TARS1: variants seen among roughly 807,000 people sequenced by gnomAD.
TARS1 encodes the protein threonine--tRNA ligase 1, cytoplasmic.
Under a neutral mutation model 97.7 loss-of-function variants are expected in TARS1, and 57 were observed. The ratio of observed to expected loss-of-function variants is 0.58; its 90% CI spans 0.47 to 0.73. The LOEUF (loss-of-function observed/expected upper bound fraction) is 0.73. Among genes scored for constraint, TARS1 ranks in the 30% least tolerant of loss-of-function variants. The probability of loss-of-function intolerance (pLI) is 0.00; values close to 1 mark genes in which losing one functional copy is unlikely to be tolerated. For missense variants in TARS1, 806 were observed against 888.3 expected, an observed-to-expected ratio of 0.91 and a Z score of 1.18; for synonymous variants, 312 against 293.7, an observed-to-expected ratio of 1.06 and a Z score of -0.64.
chr5:33,461,162 A>T lies in TARS1; in HGVS notation c.1418A>T (p.Glu473Val). 1 of 1,604,310 alleles carries T rather than the reference A, an allele frequency of 6.2e-7. No homozygotes were observed. Among genetic ancestry groups the T allele is most frequent in the Non-Finnish European group, 8.5e-7 (1 of 1,175,414 alleles). Residue 473 changes from glutamate to valine, a missense_variant, in exon 13 of 19, where the codon GAA becomes GTA. Glu to Val is a moderately radical substitution (Grantham distance 121). This residue lies in a region of TARS1 where 446 missense variants were observed against 511.0 expected (regional missense o/e 0.87). Transcript: ENST00000265112. ...AHIFCAMEQI[E>V]DEIKGCLDFL... ...TTTTTGTTTTTTAATTTGAAGATTGAAGATGAAATAAAAGGTTGTTTGGAT... is the reference window on the plus strand; with the variant it reads ...TTTTTGTTTTTTAATTTGAAGATTGTAGATGAAATAAAAGGTTGTTTGGAT...
intron 11 of TARS1, 169 bp downstream of exon 11, chr5:33,460,030 T>C: frequency 2.6e-6 from 1 of 379,222 alleles, no homozygotes; most frequent in Admixed American, 5.0e-5. Context: ...GATCCCCACT[T>C]TTTTTTTTTT....
rs1442262955 is a variant in TARS1 at position 33,455,581 on chromosome 5, C to T, written c.576-6C>T. On this transcript the variant is annotated splice_region_variant and splice_polypyrimidine_tract_variant and intron_variant, in intron 5 of 18. Transcript: ENST00000265112. ...AATGAAAAGATTATACTTTCTTCTC[C>T]TTCAGGGGTGTGTCTAGCAATGATT... The T allele has an allele frequency of 1.9e-6, 3 of 1,574,016 alleles. No individual in the cohort carries two copies. Among genetic ancestry groups the T allele is most frequent in the Non-Finnish European group, 2.6e-6 (3 of 1,150,540 alleles).
intron 10 of TARS1, among the ~76,000 whole-genome samples, chr5:33,459,427 C>T (rs1419225385): frequency 6.6e-6 from 1 of 152,188 alleles, no homozygotes; most frequent in African/African-American, 2.4e-5. Context: ...ATAACTACCA[C>T]AATGCACTCA....
intron 1 of TARS1, among the ~76,000 whole-genome samples, chr5:33,442,200 A>G (rs1315541794): frequency 6.6e-6 from 1 of 152,054 alleles, no homozygotes; most frequent in Non-Finnish European, 1.5e-5. Context: ...TGTCCACTCG[A>G]GATTGAATGG....
intron 2 of TARS1, among the ~76,000 whole-genome samples, chr5:33,445,823 C>T (rs999613537): frequency 6.6e-6 from 1 of 152,150 alleles, no homozygotes. Context: ...TTGACCCCCT[C>T]CTTGCCCTTT....
intron 8 of TARS1, among the ~76,000 whole-genome samples, chr5:33,456,862 G>T (rs1035668649): frequency 6.6e-6 from 1 of 152,256 alleles, no homozygotes; most frequent in African/African-American, 2.4e-5. Flanking sequence ...TGAGGTTGCA[G>T]TGAATGGAGA....
chr5:33,454,882 C>T, intron 4 of TARS1, 63 bp from the exon 5 acceptor site: 1 of 1,572,726 alleles, frequency 6.4e-7, no homozygotes, highest in Non-Finnish European at 8.6e-7. Flanking sequence ...TTTCAGACAA[C>T]CACATTAATT....
chr5:33,463,515 C>G (rs968420067), intron 16 of TARS1, among the ~76,000 whole-genome samples: 2 of 152,188 alleles, frequency 1.3e-5, no homozygotes, highest in African/African-American at 4.8e-5. Context: ...ATCTACTTAG[C>G]AAGACAAATT....
intron 2 of TARS1, among the ~76,000 whole-genome samples, chr5:33,447,000 G>A (rs1579576253): frequency 6.6e-6 from 1 of 152,262 alleles, no homozygotes; most frequent in South Asian, 2.1e-4. Flanking sequence ...AAAGATATTA[G>A]GGCCTGATAC....
rs756686852 is a variant in TARS1, at chr5:33,441,131, C to A, written c.45C>A (p.Gly15=). 6.2e-7 allele frequency: 1 copy of A among 1,614,010 alleles called. No individual in the cohort carries two copies. Among genetic ancestry groups the A allele is most frequent in the African/African-American group, 1.3e-5 (1 of 74,906 alleles). Residue 15 remains glycine, a synonymous_variant, in exon 1 of 19, where the codon GGC becomes GGA. Transcript: ENST00000265112. ...GCAGTCCTTCAGGGAAGATGGGAGG[C>A]GAGGAGAAGCCGGTGAGCAAACTTG... ...KASSPSGKMG[G]EEKPIGAGEE... is the part of the protein sequence containing the mutation.
At chr5:33,450,097 T>G (rs1219854070) in intron 3 of TARS1, among the ~76,000 whole-genome samples, 1 of 152,232 alleles carries the variant, frequency 6.6e-6, no homozygotes, top group African/African-American at 2.4e-5. Flanking sequence ...ACACCTAACT[T>G]GACAGTGTTT....
chr5:33,450,925 G>A (rs1415001265), intron 3 of TARS1, among the ~76,000 whole-genome samples: 1 of 152,164 alleles, frequency 6.6e-6, no homozygotes, highest in Non-Finnish European at 1.5e-5. Context: ...GACCAGCCTG[G>A]CCAACATGGC....
At chr5:33,443,549 G>A (rs1171280534) in intron 1 of TARS1, among the ~76,000 whole-genome samples, 1 of 148,102 alleles carries the variant, frequency 6.8e-6, no homozygotes, top group Non-Finnish European at 1.5e-5. Flanking sequence ...CTGGAGTGCA[G>A]TGGCGCGATC....
intron 3 of TARS1, among the ~76,000 whole-genome samples, chr5:33,450,754 C>T (rs1307627237): frequency 6.6e-6 from 1 of 152,176 alleles, no homozygotes; most frequent in African/African-American, 2.4e-5. Context: ...CAATGTTGAT[C>T]TAGATTACAT....
At chr5:33,447,914 T>C (rs1741501748) in intron 2 of TARS1, among the ~76,000 whole-genome samples, 1 of 152,242 alleles carries the variant, frequency 6.6e-6, no homozygotes. Flanking sequence ...CTGATTGCTG[T>C]CTCTTTTTCT....
chr5:33,454,879 C>A, intron 4 of TARS1, 66 bp from the exon 5 acceptor site: 1 of 1,567,978 alleles, frequency 6.4e-7, no homozygotes, highest in Non-Finnish European at 8.6e-7. Flanking sequence ...CTCTTTCAGA[C>A]AACCACATTA....
chr5:33,458,407 C>G (rs1039686718), intron 9 of TARS1, among the ~76,000 whole-genome samples, 159 bp from the exon 10 acceptor site: 3 of 152,174 alleles, frequency 2.0e-5, no homozygotes, highest in Admixed American at 1.3e-4. Flanking sequence ...TCTATAACAT[C>G]AGAAACACTG....
At chr5:33,449,961 A>C (rs1579579218) in intron 3 of TARS1, among the ~76,000 whole-genome samples, 2 of 152,116 alleles carry the variant, frequency 1.3e-5, no homozygotes, top group East Asian at 3.9e-4. Context: ...AAAACAGTGA[A>C]TATATATATG....
At chr5:33,442,106 A>G (rs1184406956) in intron 1 of TARS1, among the ~76,000 whole-genome samples, 1 of 152,176 alleles carries the variant, frequency 6.6e-6, no homozygotes, top group East Asian at 1.9e-4. Flanking sequence ...CCAAGTGAGA[A>G]GTGGTGACGT....
Sources: allele counts gnomAD v4.1 joint callset (sites outside exome capture counted in the v4.1 genomes callset), GRCh38; gene constraint gnomAD v4.1.1; regional missense constraint gnomAD v4.1.1; transcripts MANE v1.5; gene names NCBI Gene and HGNC (gene_info 2026-07-23, HGNC 2026-07-21).